Variants in WDR70 observed in about 807,000 individuals in gnomAD.
WDR70 encodes the protein WD repeat-containing protein 70.
A neutral mutation model predicts 88.6 loss-of-function variants in WDR70; 53 were observed. The observed-to-expected ratio is 0.60, with a 90% CI of 0.48 to 0.75. The LOEUF (loss-of-function observed/expected upper bound fraction) is 0.75, where lower values mean the gene tolerates loss of function less well. Among genes scored for constraint, WDR70 ranks in the 30% least tolerant of loss-of-function variants. WDR70 has a pLI of 0.00. For synonymous variants in WDR70, 280 were observed against 270.0 expected, an observed-to-expected ratio of 1.04 and a Z score of -0.36; for missense variants, 610 against 823.2, an observed-to-expected ratio of 0.74 and a Z score of 3.17.
intron 9 of WDR70, among the ~76,000 whole-genome samples, chr5:37,538,225 T>A (rs1741718985): frequency 6.6e-6 from 1 of 152,196 alleles, no homozygotes. Flanking sequence ...TTGCTTTCTA[T>A]CTCTCCTCTC....
In WDR70 at chr5:37,394,920, T is replaced by G. The variant is rs545786971; in HGVS notation, c.297-1455T>G. On this transcript the variant is annotated intron_variant, in intron 4 of 17. Coordinates refer to ENST00000265107, the MANE Select transcript of WDR70 (RefSeq NM_018034.4). ...AGGGTAACCTGAATGTGAGAATATA[T>G]TCTTTTCAATTTTTAACCTAGATGA... Among the ~76,000 whole-genome samples the G allele has an allele frequency of 2.6e-5, 4 of 152,332 alleles. 1 individual carries two copies. In the South Asian group the frequency reaches 8.3e-4, roughly 32 times the overall value.
At chr5:37,686,494 T>C (rs1450779877) in intron 10 of WDR70, among the ~76,000 whole-genome samples, 3 of 151,040 alleles carry the variant, frequency 2.0e-5, no homozygotes, top group Non-Finnish European at 3.0e-5. Flanking sequence ...AGTTAGAGCC[T>C]AGGCGGGAAG....
At chr5:37,645,997 C>G (rs1183358036) in intron 10 of WDR70, among the ~76,000 whole-genome samples, 1 of 151,896 alleles carries the variant, frequency 6.6e-6, no homozygotes, top group African/African-American at 2.4e-5. Flanking sequence ...GGAATTACTC[C>G]TGCCATTTTT....
chr5:37,387,559 T>A (rs1748663881), intron 3 of WDR70, among the ~76,000 whole-genome samples: 1 of 152,150 alleles, frequency 6.6e-6, no homozygotes, highest in African/African-American at 2.4e-5. Flanking sequence ...CTTTGAAAGA[T>A]CTACTTAGCT....
At chr5:37,379,656 C>T (rs1748360381) in intron 2 of WDR70, 102 bp downstream of exon 2, 1 of 1,276,062 alleles carries the variant, frequency 7.8e-7, no homozygotes, top group African/African-American at 1.5e-5. Context: ...ATTATTGTAG[C>T]TCGGGTGCAT....
chr5:37,427,518 G>A (rs1013293794), intron 5 of WDR70, among the ~76,000 whole-genome samples: 2 of 151,982 alleles, frequency 1.3e-5, no homozygotes, highest in South Asian at 4.1e-4. Flanking sequence ...ACACATGCTT[G>A]CACACATACA....
intron 13 of WDR70, among the ~76,000 whole-genome samples, chr5:37,706,355 A>C (rs191999818): frequency 1.3e-3 from 194 of 152,250 alleles, no homozygotes; most frequent in Non-Finnish European, 2.2e-3. Context: ...ATTTCCTCAA[A>C]TTATACACTG....
intron 7 of WDR70, among the ~76,000 whole-genome samples, chr5:37,450,627 T>C (rs1738646213): frequency 6.6e-6 from 1 of 152,236 alleles, no homozygotes; most frequent in Non-Finnish European, 1.5e-5. Flanking sequence ...GAATTGTTAA[T>C]TGTACCTGTG....
rs1242563022 is a variant in WDR70 at position 37,506,535 on chromosome 5, G to A, written c.841-9979G>A. ...CAGCATACTGTCAGGTTCTTTATTCGCTAAAGTGCTCCGTGTAGTTGTAAA... is the reference window on the plus strand; with the variant it reads ...CAGCATACTGTCAGGTTCTTTATTCACTAAAGTGCTCCGTGTAGTTGTAAA... On this transcript the variant is annotated intron_variant, in intron 8 of 17. Coordinates refer to ENST00000265107, the MANE Select transcript of WDR70 (RefSeq NM_018034.4). The A allele has an allele frequency of 6.5e-6, 5 of 770,398 alleles. No homozygotes were observed. In the East Asian group the frequency reaches 9.8e-5, roughly 15 times the overall value. 47.7% of individuals were successfully genotyped at this position (770,398 alleles called of 1,614,324 possible). A position where few individuals can be genotyped will look rare whatever the true frequency, so the allele number is the denominator to read the frequency against.
chr5:37,546,859 G>A (rs1363125838), intron 9 of WDR70, among the ~76,000 whole-genome samples: 4 of 151,990 alleles, frequency 2.6e-5, no homozygotes, highest in Non-Finnish European at 4.4e-5. Context: ...CAGAGTTGCA[G>A]TGAGCTGAGA....
intron 17 of WDR70, among the ~76,000 whole-genome samples, chr5:37,748,532 C>A (rs1748702942): frequency 6.6e-6 from 1 of 152,156 alleles, no homozygotes; most frequent in Admixed American, 6.5e-5. Context: ...CCAGGCAAGA[C>A]CATTCCTAGG....
chr5:37,552,081 A>AT (rs1022894208), intron 9 of WDR70, among the ~76,000 whole-genome samples: 27 of 151,022 alleles, frequency 1.8e-4, no homozygotes, highest in South Asian at 6.3e-4. Flanking sequence ...CGAGCTCCAT[A>AT]TTTTTTTTTA....
intron 7 of WDR70, among the ~76,000 whole-genome samples, chr5:37,468,211 T>C (rs1294930070): frequency 2.6e-5 from 4 of 152,204 alleles, no homozygotes; most frequent in Non-Finnish European, 5.9e-5. Context: ...TAGGCTGATA[T>C]ATTGCACTTG....
At chr5:37,597,703 C>T (rs1022948965) in intron 9 of WDR70, among the ~76,000 whole-genome samples, 4 of 152,188 alleles carry the variant, frequency 2.6e-5, no homozygotes, top group Admixed American at 2.6e-4. Context: ...CTCCTTTTCA[C>T]TATGCAGGCA....
intron 9 of WDR70, among the ~76,000 whole-genome samples, chr5:37,519,211 T>C (rs945653078): frequency 5.9e-5 from 9 of 152,234 alleles, no homozygotes; most frequent in African/African-American, 2.2e-4. Flanking sequence ...TCTTCGGAGC[T>C]GTTGGGTACA....
chr5:37,520,088 A>G (rs1021098877), intron 9 of WDR70, among the ~76,000 whole-genome samples: 3 of 152,224 alleles, frequency 2.0e-5, no homozygotes, highest in Admixed American at 2.0e-4. Flanking sequence ...GTATGATTAC[A>G]TAGAAAATTA....
At chr5:37,659,574 C>T (rs1472953009) in intron 10 of WDR70, among the ~76,000 whole-genome samples, 1 of 152,172 alleles carries the variant, frequency 6.6e-6, no homozygotes, top group East Asian at 1.9e-4. Flanking sequence ...TGTCTTAGCT[C>T]AGGCTGCCAT....
intron 8 of WDR70, among the ~76,000 whole-genome samples, chr5:37,494,925 CA>C (rs1740170763): frequency 6.6e-6 from 1 of 152,200 alleles, no homozygotes. Context: ...GGCCTTGGGG[CA>C]AATCCAGCCA....
intron 5 of WDR70, among the ~76,000 whole-genome samples, chr5:37,397,525 G>A (rs1323764216): frequency 6.6e-6 from 1 of 152,108 alleles, no homozygotes; most frequent in Non-Finnish European, 1.5e-5. Context: ...ATGATGATGG[G>A]TAAATTTGGG....
Sources: gnomAD v4.1 joint callset for allele counts (sites outside exome capture counted in the v4.1 genomes callset) on GRCh38, gnomAD v4.1.1 for gene constraint, MANE v1.5 for transcripts, NCBI Gene and HGNC (gene_info 2026-07-23, HGNC 2026-07-21) for gene names.